The following NCALD variants were observed in gnomAD, a reference collection of about 807,000 sequenced individuals.
The protein encoded by NCALD is neurocalcin delta, also known as neurocalcin-delta.
NCALD carries 10 observed loss-of-function variants against 18.6 expected under a neutral mutation model. The observed-to-expected ratio is 0.54, with a 90% confidence interval of 0.33 to 0.91. The LOEUF (loss-of-function observed/expected upper bound fraction) is 0.91, where lower values mean the gene tolerates loss of function less well. NCALD is among the 40% of genes least tolerant of loss of function. The pLI is 0.03. For missense variants in NCALD, 184 were observed against 247.6 expected (o/e 0.74, Z 1.72); for synonymous variants, 88 against 87.4 (o/e 1.01, Z -0.04).
At chr8:101,980,073 A>C (rs1305541225) in intron 2 of NCALD, among the ~76,000 whole-genome samples, 2 of 152,132 alleles carry the variant, frequency 1.3e-5, no homozygotes, top group Admixed American at 6.5e-5. Context: ...GGCAGGGGGC[A>C]CTGGTTGATT....
At chr8:101,716,703 T>A (rs1241298376) in intron 2 of NCALD, among the ~76,000 whole-genome samples, 2 of 152,184 alleles carry the variant, frequency 1.3e-5, no homozygotes, top group Non-Finnish European at 2.9e-5. Flanking sequence ...TACGTTAACT[T>A]GCACAGGAAG....
At chr8:101,707,692 A>G (rs76196341) in intron 2 of NCALD, among the ~76,000 whole-genome samples, 3,910 of 152,196 alleles carry the variant, frequency 0.026, 131 homozygotes, top group African/African-American at 0.077. Context: ...ACTAGGAGAG[A>G]AAGTTTGACT....
chr8:101,920,002 G>A lies in NCALD; in HGVS notation c.-156-4144C>T, dbSNP rs575844031. Among the ~76,000 whole-genome samples the A allele has an allele frequency of 2.0e-5, 3 of 152,138 alleles. No individual in the cohort carries two copies. In the South Asian group the frequency reaches 6.2e-4, roughly 32 times the overall value. ...CTGGGCGTGGTGGCTCATGCCTGTA[G>A]CCCCAGCACTTCGGGAGGCCAAAGT... On this transcript the variant is annotated intron_variant, in intron 2 of 6. Transcript: ENST00000311028.
At chr8:101,709,867 G>T (rs1212938475) in intron 2 of NCALD, among the ~76,000 whole-genome samples, 2 of 151,980 alleles carry the variant, frequency 1.3e-5, no homozygotes, top group Non-Finnish European at 2.9e-5. Flanking sequence ...GAAAGGTCAG[G>T]GTTCTGATCT....
intron 2 of NCALD, among the ~76,000 whole-genome samples, chr8:101,954,598 G>T (rs2131824196): frequency 6.6e-6 from 1 of 152,312 alleles, no homozygotes; most frequent in South Asian, 2.1e-4. Context: ...ATTTGGACAT[G>T]AGGGCAAAAG....
At chr8:101,768,506 C>A (rs1484665913) in intron 1 of NCALD, among the ~76,000 whole-genome samples, 1 of 152,094 alleles carries the variant, frequency 6.6e-6, no homozygotes, top group Non-Finnish European at 1.5e-5. Context: ...GTGAGAAGTT[C>A]GAGACCAGCC....
intron 3 of NCALD, among the ~76,000 whole-genome samples, chr8:101,907,581 T>C (rs953166506): frequency 1.3e-5 from 2 of 151,972 alleles, no homozygotes; most frequent in African/African-American, 4.8e-5. Context: ...TATATTTTAT[T>C]AAATTCCTAC....
chr8:101,871,930 TC>T, intron 4 of NCALD: 3 of 717,830 alleles, frequency 4.2e-6, no homozygotes, highest in Middle Eastern at 3.9e-4. Flanking sequence ...TTCCTCCAAG[TC>T]CGTCTTAACT....
Position 101,768,733 on chromosome 8 carries a change from AAAAG to A in NCALD, c.-20+22125_-20+22128del, listed in dbSNP as rs1304243060. On this transcript the variant is annotated intron_variant, in intron 1 of 3. Coordinates refer to ENST00000220931, the MANE Select transcript of NCALD (RefSeq NM_032041.3). The stretch of plus-strand genomic sequence containing the variant: ...CAAAAAACAAAAAAACAAAAAAAAA[AAAAG>A]AAAGAAAGCAAGAAAGAAAAAAGAA... Among the ~76,000 whole-genome samples the A allele has an allele frequency of 2.0e-4, 30 of 151,680 alleles. 1 individual carries two copies. The highest frequency in any genetic ancestry group is 2.7e-4 in the Non-Finnish European group (18 of 67,866).
At chr8:101,823,805 G>A (rs1364244063) in intron 4 of NCALD, among the ~76,000 whole-genome samples, 2 of 152,170 alleles carry the variant, frequency 1.3e-5, no homozygotes, top group African/African-American at 4.8e-5. Flanking sequence ...CCACCCAGTG[G>A]CAGCACCATT....
At chr8:102,004,896 T>C (rs200053294) in intron 2 of NCALD, among the ~76,000 whole-genome samples, 1 of 152,064 alleles carries the variant, frequency 6.6e-6, no homozygotes, top group East Asian at 1.9e-4. Flanking sequence ...GGATTAAAGA[T>C]TTAAACGTTA....
intron 2 of NCALD, among the ~76,000 whole-genome samples, chr8:101,957,007 C>T (rs776313812): frequency 3.3e-5 from 5 of 152,058 alleles, no homozygotes; most frequent in Non-Finnish European, 7.4e-5. Context: ...TAAATGAAAA[C>T]AGGAAAGGTT....
intron 3 of NCALD, among the ~76,000 whole-genome samples, chr8:101,895,265 CAT>C (rs1204604357): frequency 3.1e-5 from 4 of 131,144 alleles, no homozygotes; most frequent in African/African-American, 1.2e-4. Flanking sequence ...ACAAAAACCA[CAT>C]GATTATGTCA....
At chr8:101,701,929 T>C (rs1815286945) in intron 2 of NCALD, among the ~76,000 whole-genome samples, 1 of 152,182 alleles carries the variant, frequency 6.6e-6, no homozygotes, top group African/African-American at 2.4e-5. Context: ...TAAAATAGAA[T>C]GAACACCTAT....
Position 101,695,875 on chromosome 8 carries a change from T to TC in NCALD, c.379-2980dup, listed in dbSNP as rs143259207. On this transcript the variant is annotated intron_variant, in intron 2 of 3. Transcript: ENST00000220931. Reference sequence around the variant, plus strand: ...TAAAGAATTTATTCAGGAATAACTGTCCCCCAGTTGCCCTCTCATTCTTTC... The same window carrying TC: ...TAAAGAATTTATTCAGGAATAACTGTCCCCCCAGTTGCCCTCTCATTCTTTC... 1.3e-4 allele frequency among the ~76,000 whole-genome samples: 20 copies of TC among 152,252 alleles called. No individual in the cohort carries two copies. The East Asian group carries it at 3.3e-3, about 25-fold the overall frequency.
chr8:101,786,892 G>A (rs895266285), intron 1 of NCALD, among the ~76,000 whole-genome samples: 3 of 152,078 alleles, frequency 2.0e-5, no homozygotes, highest in Non-Finnish European at 4.4e-5. Context: ...AAGGGATGCC[G>A]TGTCTTTATT....
At chr8:102,120,138 C>T (rs549771414) in intron 1 of NCALD, among the ~76,000 whole-genome samples, 13 of 152,268 alleles carry the variant, frequency 8.5e-5, no homozygotes, top group African/African-American at 2.9e-4. Context: ...CAAATTATTG[C>T]GTGCTTCTAA....
chr8:101,815,671 C>G (rs1047835381), intron 4 of NCALD, among the ~76,000 whole-genome samples: 1 of 152,104 alleles, frequency 6.6e-6, no homozygotes, highest in African/African-American at 2.4e-5. Flanking sequence ...GAATGTGGAG[C>G]AACAGAAACT....
At chr8:102,012,857 AG>A (rs563686600) in intron 2 of NCALD, among the ~76,000 whole-genome samples, 19 of 152,308 alleles carry the variant, frequency 1.2e-4, no homozygotes, top group African/African-American at 4.3e-4. Context: ...CAGCTCCCAT[AG>A]CAGATCACCA....
Sources: allele counts gnomAD v4.1 joint callset (sites outside exome capture counted in the v4.1 genomes callset), GRCh38; gene constraint gnomAD v4.1.1; transcripts MANE v1.5; gene names NCBI Gene and HGNC (gene_info 2026-07-23, HGNC 2026-07-21).